The following SHISA9 variants were observed in gnomAD, a reference collection of about 807,000 sequenced individuals.
SHISA9 encodes the protein protein shisa-9.
In SHISA9, 13 loss-of-function variants were observed where a neutral mutation model predicts 38.0. That is an observed-to-expected ratio of 0.34 (90% CI 0.22 to 0.54). The LOEUF (loss-of-function observed/expected upper bound fraction) is 0.54. SHISA9 is among the 20% of genes least tolerant of loss of function. The pLI is 0.91. For synonymous variants in SHISA9, 275 were observed against 242.0 expected (o/e 1.14, Z -1.27); for missense variants, 538 against 575.8 (o/e 0.93, Z 0.67).
At chr16:13,278,085 G>A in the SHISA9 span, among the ~76,000 whole-genome samples, 1 of 151,998 alleles carries the variant, frequency 6.6e-6, no homozygotes, top group Non-Finnish European at 1.5e-5. Flanking sequence ...CTTAAGGTAT[G>A]TCCTTTGTAT....
chr16:12,980,697 T>A (rs2141822587), intron 2 of SHISA9, among the ~76,000 whole-genome samples: 1 of 152,196 alleles, frequency 6.6e-6, no homozygotes, highest in East Asian at 1.9e-4. Context: ...TTGACGTTAG[T>A]GTTTCTCTTC....
At chr16:13,409,018 C>T in the SHISA9 span, among the ~76,000 whole-genome samples, 163 of 152,254 alleles carry the variant, frequency 1.1e-3, no homozygotes, top group Non-Finnish European at 2.2e-3. Context: ...ATCCTGTACC[C>T]GTATAAACCC....
chr16:12,921,765 C>G (rs2071331860), intron 2 of SHISA9, among the ~76,000 whole-genome samples: 1 of 151,616 alleles, frequency 6.6e-6, no homozygotes, highest in South Asian at 2.1e-4. Context: ...AACTCTGTCT[C>G]TATTAAAAAA....
the SHISA9 span, among the ~76,000 whole-genome samples, chr16:13,561,465 A>G: frequency 6.6e-6 from 1 of 152,232 alleles, no homozygotes; most frequent in East Asian, 1.9e-4. Context: ...TAAGTGAGAA[A>G]CAAGCCGTGG....
the SHISA9 span, among the ~76,000 whole-genome samples, chr16:13,357,536 C>T: frequency 2.0e-5 from 3 of 152,126 alleles, no homozygotes; most frequent in East Asian, 1.9e-4. Flanking sequence ...GGATTGGTCT[C>T]CTAAGGGAGG....
At chr16:13,163,142 C>T (rs1007387582) in intron 2 of SHISA9, among the ~76,000 whole-genome samples, 2 of 151,882 alleles carry the variant, frequency 1.3e-5, no homozygotes, top group African/African-American at 2.4e-5. Context: ...TTTCTTTGTC[C>T]GTGAAAGGAT....
At chr16:13,405,988 G>A in the SHISA9 span, among the ~76,000 whole-genome samples, 1 of 148,944 alleles carries the variant, frequency 6.7e-6, no homozygotes. Context: ...TAGACAAGTG[G>A]AACCTAATTA....
intron 2 of SHISA9, among the ~76,000 whole-genome samples, chr16:13,141,002 G>A (rs1164773491): frequency 6.6e-6 from 1 of 152,152 alleles, no homozygotes; most frequent in African/African-American, 2.4e-5. Flanking sequence ...AAGCCCTGGT[G>A]TATTACTTGA....
the SHISA9 span, among the ~76,000 whole-genome samples, chr16:13,433,717 G>A: frequency 6.6e-6 from 1 of 152,192 alleles, no homozygotes; most frequent in African/African-American, 2.4e-5. Context: ...GGAATGCAAG[G>A]GGAAATGGAT....
intron 2 of SHISA9, among the ~76,000 whole-genome samples, chr16:13,108,931 C>T (rs1183953937): frequency 6.6e-6 from 1 of 152,156 alleles, no homozygotes; most frequent in Non-Finnish European, 1.5e-5. Context: ...TGCTGAGCAG[C>T]ATCATGTGAA....
chr16:12,914,119 C>T (rs1160267937), intron 1 of SHISA9, among the ~76,000 whole-genome samples: 1 of 147,794 alleles, frequency 6.8e-6, no homozygotes, highest in Non-Finnish European at 1.5e-5. Context: ...GATCTCGGCT[C>T]ACTGCAACCC....
intron 4 of SHISA9, among the ~76,000 whole-genome samples, chr16:13,217,113 T>TAG (rs745364724): frequency 7.4e-4 from 82 of 110,656 alleles, no homozygotes; most frequent in African/African-American, 2.2e-3. Flanking sequence ...CTACTAAAAA[T>TAG]ACAAAAAAAA....
At chr16:13,436,555 G>T in the SHISA9 span, among the ~76,000 whole-genome samples, 2 of 152,178 alleles carry the variant, frequency 1.3e-5, no homozygotes, top group African/African-American at 4.8e-5. Context: ...GCTCTCAGGG[G>T]CTGCTCTGCC....
At chr16:13,215,036 C>A (rs1391825485) in intron 4 of SHISA9, among the ~76,000 whole-genome samples, 1 of 152,098 alleles carries the variant, frequency 6.6e-6, no homozygotes, top group Non-Finnish European at 1.5e-5. Context: ...TGCAGACACC[C>A]ACTGGAAGGC....
chr16:13,187,456 T>G (rs149945097), intron 2 of SHISA9, among the ~76,000 whole-genome samples: 39 of 149,486 alleles, frequency 2.6e-4, no homozygotes, highest in Non-Finnish European at 5.3e-4. Flanking sequence ...TGTCTCAGCC[T>G]CCTGAATAGT....
the SHISA9 span, among the ~76,000 whole-genome samples, chr16:13,454,667 C>T: frequency 2.5e-4 from 38 of 152,164 alleles, no homozygotes; most frequent in Non-Finnish European, 4.9e-4. Context: ...CTGGCCTCTA[C>T]AAAAGAAGCC....
chr16:12,991,086 T>A (rs2072379532), intron 2 of SHISA9, among the ~76,000 whole-genome samples: 1 of 152,226 alleles, frequency 6.6e-6, no homozygotes, highest in African/African-American at 2.4e-5. Context: ...CTCTGCTCTC[T>A]TGTTGTTTTA....
At chr16:12,902,849 CGTGT>C (rs3974950) in intron 1 of SHISA9, 635 of 491,746 alleles carry the variant, frequency 1.3e-3, no homozygotes, top group Non-Finnish European at 1.7e-3. Context: ...TGTGTGTGAG[CGTGT>C]GTGTGTGTGT....
At chr16:13,158,016 GTGGTGGAGAATGAT>G (rs1185444154) in intron 2 of SHISA9, among the ~76,000 whole-genome samples, 2 of 152,166 alleles carry the variant, frequency 1.3e-5, no homozygotes, top group Non-Finnish European at 2.9e-5. Context: ...TCAGAAAGGG[GTGGTGGAGAATGAT>G]TGGTTAAGGG....
Sources: allele counts gnomAD v4.1 joint callset (sites outside exome capture counted in the v4.1 genomes callset), GRCh38; gene constraint gnomAD v4.1.1; transcripts MANE v1.5; gene names NCBI Gene and HGNC (gene_info 2026-07-23, HGNC 2026-07-21).